The following HCN1 variants were observed in gnomAD, a reference collection of about 807,000 sequenced individuals.
HCN1 encodes the protein hyperpolarization activated cyclic nucleotide gated potassium channel 1, also known as potassium/sodium hyperpolarization-activated cyclic nucleotide-gated channel 1.
HCN1 carries 13 observed loss-of-function variants against 78.9 expected under a neutral mutation model. That is an observed-to-expected ratio of 0.16 (90% confidence interval 0.11 to 0.26). The LOEUF (loss-of-function observed/expected upper bound fraction) is 0.26, where lower values mean the gene tolerates loss of function less well. HCN1 is among the 10% of genes least tolerant of loss of function. HCN1 has a pLI of 1.00. For missense variants in HCN1, 810 were observed against 1,154.3 expected, an observed-to-expected ratio of 0.70 and a Z score of 4.32; for synonymous variants, 552 against 455.5, an observed-to-expected ratio of 1.21 and a Z score of -2.70.
At chr5:45,669,041 A>G (rs943023584) in intron 1 of HCN1, among the ~76,000 whole-genome samples, 7 of 151,836 alleles carry the variant, frequency 4.6e-5, no homozygotes, top group Non-Finnish European at 1.0e-4. Flanking sequence ...ATCTTGAGAA[A>G]ATTCCTCCTG....
Position 45,645,514 on chromosome 5 carries a change from G to A in HCN1, c.520C>T (p.Pro174Ser). The change falls in exon 2 of 8, where the codon CCA becomes TCA. Residue 174 changes from proline (P) to serine (S), a missense_variant. This residue lies in a region of HCN1 where 104 missense variants were observed against 402.8 expected (regional missense o/e 0.26). Coordinates refer to ENST00000303230, the MANE Select transcript of HCN1 (RefSeq NM_021072.4). ...ITFFTEQTTT[P>S]WIIFNVASDT... ...GATGCCACATTGAAAATAATCCATG[G>A]TGTTGTTGTTTGCTCTGTAAAGAAT... The A allele has an allele frequency of 1.2e-6, 2 of 1,612,476 alleles. No individual in the cohort carries two copies. Among genetic ancestry groups the A allele is most frequent in the Non-Finnish European group, 1.7e-6 (2 of 1,178,934 alleles).
At chr5:45,323,295 T>A (rs1251048207) in intron 5 of HCN1, among the ~76,000 whole-genome samples, 1 of 151,882 alleles carries the variant, frequency 6.6e-6, no homozygotes, top group Non-Finnish European at 1.5e-5. Context: ...TGTGTTGAAA[T>A]CATAACATTT....
chr5:45,547,373 C>A (rs1743251318), intron 2 of HCN1, among the ~76,000 whole-genome samples: 1 of 151,818 alleles, frequency 6.6e-6, no homozygotes, highest in Admixed American at 6.6e-5. Flanking sequence ...TATGACTTAG[C>A]AATTTATATT....
chr5:45,311,191 T>C (rs550306087), intron 5 of HCN1, among the ~76,000 whole-genome samples: 1 of 152,148 alleles, frequency 6.6e-6, no homozygotes, highest in Non-Finnish European at 1.5e-5. Flanking sequence ...AAATCTATAA[T>C]TATTTCAAAG....
intron 2 of HCN1, among the ~76,000 whole-genome samples, chr5:45,467,324 G>A (rs72762058): frequency 0.037 from 5,577 of 151,918 alleles, 148 homozygotes; most frequent in Middle Eastern, 0.061. Context: ...CTCTGACAAC[G>A]TCACACGTTA....
At chr5:45,520,067 G>A (rs1013663795) in intron 2 of HCN1, among the ~76,000 whole-genome samples, 2 of 151,886 alleles carry the variant, frequency 1.3e-5, no homozygotes, top group African/African-American at 4.8e-5. Flanking sequence ...ATAAAGATAT[G>A]GGCATTAATC....
chr5:45,464,446 C>T (rs1020227700), intron 2 of HCN1, among the ~76,000 whole-genome samples: 2 of 152,088 alleles, frequency 1.3e-5, no homozygotes, highest in Non-Finnish European at 1.5e-5. Context: ...TCAGTAAGAA[C>T]TCACATAATT....
At chr5:45,499,444 G>A (rs538770315) in intron 2 of HCN1, among the ~76,000 whole-genome samples, 5 of 152,266 alleles carry the variant, frequency 3.3e-5, no homozygotes, top group South Asian at 2.1e-4. Context: ...GCCCTGCTTC[G>A]GCTCGTGCAC....
At chr5:45,661,330 T>G (rs1745931562) in intron 1 of HCN1, among the ~76,000 whole-genome samples, 1 of 146,698 alleles carries the variant, frequency 6.8e-6, no homozygotes, top group Non-Finnish European at 1.5e-5. Flanking sequence ...TTTATAGCAC[T>G]AAATGCCTAC....
intron 6 of HCN1, among the ~76,000 whole-genome samples, chr5:45,272,104 CA>C (rs1340607067): frequency 6.6e-6 from 1 of 152,012 alleles, no homozygotes; most frequent in East Asian, 1.9e-4. Flanking sequence ...ACTTTCTGAT[CA>C]AAGAGGCTTA....
At chr5:45,633,708 A>T (rs1161308443) in intron 2 of HCN1, among the ~76,000 whole-genome samples, 4 of 151,942 alleles carry the variant, frequency 2.6e-5, no homozygotes, top group Admixed American at 1.3e-4. Flanking sequence ...TATATTTGAT[A>T]TTATAAAGAT....
intron 3 of HCN1, among the ~76,000 whole-genome samples, chr5:45,438,109 G>GCA (rs1199259814): frequency 6.6e-6 from 1 of 152,122 alleles, no homozygotes; most frequent in Admixed American, 6.5e-5. Context: ...GCCAACCTTG[G>GCA]CACTATGTAA....
chr5:45,496,267 C>T (rs934593153), intron 2 of HCN1, among the ~76,000 whole-genome samples: 2 of 143,000 alleles, frequency 1.4e-5, no homozygotes, highest in African/African-American at 5.3e-5. Flanking sequence ...TGATTATTGC[C>T]ACAATTTCAG....
chr5:45,282,559 G>A (rs1267381146), intron 6 of HCN1, among the ~76,000 whole-genome samples: 1 of 152,160 alleles, frequency 6.6e-6, no homozygotes, highest in African/African-American at 2.4e-5. Flanking sequence ...GGATGCTACT[G>A]TCAGTGGAAT....
intron 5 of HCN1, among the ~76,000 whole-genome samples, chr5:45,332,920 T>C (rs946933828): frequency 1.3e-5 from 2 of 151,802 alleles, no homozygotes; most frequent in Non-Finnish European, 2.9e-5. Context: ...TTCCAAATTT[T>C]GGCTGTTGTG....
intron 2 of HCN1, among the ~76,000 whole-genome samples, chr5:45,472,510 T>A: frequency 8.9e-6 from 1 of 112,206 alleles, no homozygotes. Flanking sequence ...AAAGACAAGA[T>A]GGAGGGAGGA....
At chr5:45,317,447 A>T (rs922569521) in intron 5 of HCN1, among the ~76,000 whole-genome samples, 1 of 152,252 alleles carries the variant, frequency 6.6e-6, no homozygotes, top group African/African-American at 2.4e-5. Context: ...GTTAGACCTA[A>T]AACCATAAAA....
chr5:45,603,363 T>G (rs1744663176), intron 2 of HCN1, among the ~76,000 whole-genome samples: 1 of 152,020 alleles, frequency 6.6e-6, no homozygotes. Flanking sequence ...TAAATCACAT[T>G]AAAAAGTCAT....
At chr5:45,687,488 T>C (rs115542545) in intron 1 of HCN1, among the ~76,000 whole-genome samples, 126 of 152,324 alleles carry the variant, frequency 8.3e-4, no homozygotes, top group African/African-American at 3.0e-3. Flanking sequence ...TCCTAGACTT[T>C]ATCTGCTAAC....
Sources: allele counts gnomAD v4.1 joint callset (sites outside exome capture counted in the v4.1 genomes callset), GRCh38; gene constraint gnomAD v4.1.1; regional missense constraint gnomAD v4.1.1; transcripts MANE v1.5; gene names NCBI Gene and HGNC (gene_info 2026-07-23, HGNC 2026-07-21).